DCDC1: variants seen among roughly 807,000 people sequenced by gnomAD.
DCDC1 encodes doublecortin domain-containing protein 1.
A neutral mutation model predicts 178.3 loss-of-function variants in DCDC1; 200 were observed. That is an observed-to-expected ratio of 1.12 (90% CI 1.00 to 1.26). DCDC1 has a LOEUF of 1.26. Ranked by LOEUF, DCDC1 falls within the 50% of genes most tolerant of loss-of-function variation. The probability of loss-of-function intolerance (pLI) is 0.00; values close to 1 mark genes in which losing one functional copy is unlikely to be tolerated. For missense variants in DCDC1, 1,983 were observed against 1,749.2 expected (o/e 1.13, Z -2.38); for synonymous variants, 690 against 604.8 (o/e 1.14, Z -2.07).
chr11:31,203,011 A>G (rs1440613520), intron 9 of DCDC1, among the ~76,000 whole-genome samples: 2 of 152,208 alleles, frequency 1.3e-5, no homozygotes, highest in East Asian at 1.9e-4. Flanking sequence ...CTGGGAGGCA[A>G]GCAAAACAAT....
At position 31,159,006 on chromosome 11, in the gene DCDC1, C is replaced by CA. The variant is rs199820908; in HGVS notation, c.1222-21223dup. On this transcript the variant is annotated intron_variant, in intron 9 of 38. Transcript: ENST00000684477. ...CCAATAATATAAATTGGATGTATAC[C>CA]AAAAAAAATACAAAAAAACCCCAAA... Among the ~76,000 whole-genome samples the CA allele has an allele frequency of 1.0e-3, 153 of 149,862 alleles. 4 individuals are homozygous for CA. The East Asian group carries it at 0.023, about 23-fold the overall frequency.
intron 17 of DCDC1, among the ~76,000 whole-genome samples, chr11:31,083,718 C>T (rs1309246415): frequency 1.3e-5 from 2 of 152,118 alleles, no homozygotes; most frequent in Middle Eastern, 3.2e-3. Flanking sequence ...ACGACTAATT[C>T]AAAAATTGTA....
intron 10 of DCDC1, among the ~76,000 whole-genome samples, chr11:31,132,494 C>T (rs777383253): frequency 6.6e-6 from 1 of 151,968 alleles, no homozygotes; most frequent in African/African-American, 2.4e-5. Flanking sequence ...AATTCTTCAA[C>T]GTGAATCTTT....
chr11:31,119,126 C>T (rs972417140), intron 11 of DCDC1, among the ~76,000 whole-genome samples: 3 of 152,074 alleles, frequency 2.0e-5, no homozygotes, highest in Admixed American at 6.5e-5. Flanking sequence ...CAGCACCTGC[C>T]GCTAATTAGC....
intron 20 of DCDC1, among the ~76,000 whole-genome samples, chr11:31,041,759 T>C (rs1461569798): frequency 1.3e-5 from 2 of 152,176 alleles, no homozygotes; most frequent in African/African-American, 2.4e-5. Context: ...AGGGTAGAAT[T>C]TGTACCCTCA....
rs186700616 is a variant in DCDC1 at position 30,939,306 on chromosome 11, C to T, written c.2716-7354G>A. Among the ~76,000 whole-genome samples the T allele has an allele frequency of 2.6e-5, 4 of 152,310 alleles. No homozygotes were observed. The East Asian group carries it at 7.7e-4, about 29-fold the overall frequency. ...CTAAATTGGTTGGGACACCTCTCCC[C>T]TCTTGGCTGGAGTCCCACTCTATGC... On this transcript the variant is annotated intron_variant, in intron 21 of 38. Transcript: ENST00000684477.
chr11:31,102,040 G>GCATTC, intron 15 of DCDC1, 137 bp downstream of exon 15: 1 of 446,658 alleles, frequency 2.2e-6, no homozygotes, highest in Non-Finnish European at 4.0e-6. Context: ...TGGCACCACT[G>GCATTC]CATTCCACCC....
intron 34 of DCDC1, among the ~76,000 whole-genome samples, chr11:30,895,786 T>C (rs895982721): frequency 3.9e-5 from 6 of 152,184 alleles, no homozygotes; most frequent in Non-Finnish European, 8.8e-5. Context: ...ACCTCACAAA[T>C]ACGTAACACA....
At chr11:31,322,195 G>T (rs1358640817) in intron 3 of DCDC1, among the ~76,000 whole-genome samples, 1 of 152,146 alleles carries the variant, frequency 6.6e-6, no homozygotes, top group East Asian at 1.9e-4. Flanking sequence ...TCAATCAGTG[G>T]TCGATATGCA....
rs1468366915 is a variant in DCDC1 at position 31,294,070 on chromosome 11, C to T, written c.755-3218G>A. ...TCATTCAACAATATTTACTGGGTGTCCACACATCAAGGCACCAGGGCGACA... is the reference window on the plus strand; with the variant it reads ...TCATTCAACAATATTTACTGGGTGTTCACACATCAAGGCACCAGGGCGACA... On this transcript the variant is annotated intron_variant, in intron 6 of 38. Coordinates refer to ENST00000684477, the MANE Select transcript of DCDC1 (RefSeq NM_001387274.1). Among the ~76,000 whole-genome samples, 3 of 152,148 alleles carry T rather than the reference C, an allele frequency of 2.0e-5. No homozygotes were observed. The East Asian group carries it at 5.8e-4, about 29-fold the overall frequency.
At chr11:31,162,717 G>T (rs1966419411) in intron 9 of DCDC1, among the ~76,000 whole-genome samples, 1 of 152,086 alleles carries the variant, frequency 6.6e-6, no homozygotes, top group African/African-American at 2.4e-5. Flanking sequence ...TATTTCTGAA[G>T]AATTTTTCCA....
At chr11:30,889,844 G>T (rs546474317) in intron 36 of DCDC1, among the ~76,000 whole-genome samples, 2 of 152,254 alleles carry the variant, frequency 1.3e-5, no homozygotes, top group East Asian at 3.9e-4. Flanking sequence ...TAGTGTTATG[G>T]ACTAAACTGT....
At chr11:31,366,159 T>C (rs1046777138) in intron 1 of DCDC1, among the ~76,000 whole-genome samples, 2 of 152,144 alleles carry the variant, frequency 1.3e-5, no homozygotes, top group Non-Finnish European at 2.9e-5. Context: ...TAAGTTCACA[T>C]AGCCGTAAGA....
chr11:30,956,741 T>C (rs1388712331), intron 20 of DCDC1, among the ~76,000 whole-genome samples: 1 of 152,140 alleles, frequency 6.6e-6, no homozygotes, highest in Non-Finnish European at 1.5e-5. Context: ...AATAAAGAAG[T>C]CATTAAAATA....
intron 27 of DCDC1, among the ~76,000 whole-genome samples, chr11:30,913,160 G>A (rs1202828256): frequency 6.6e-6 from 1 of 152,138 alleles, no homozygotes; most frequent in South Asian, 2.1e-4. Context: ...GGTGGCTCAC[G>A]CTTGTAATCC....
rs575763379 is a variant in DCDC1, at chr11:31,318,876, T to G, written c.164+9241A>C. The stretch of plus-strand genomic sequence containing the variant: ...TGTGGTGTCTTTGTTCTCGTTGGTT[T>G]CAAAGAACATCTTTATTTCTGCCTT... On this transcript the variant is annotated intron_variant, in intron 3 of 38. Transcript: ENST00000684477. Among the ~76,000 whole-genome samples, 3 of 61,672 alleles carry G rather than the reference T, an allele frequency of 4.9e-5. No individual in the cohort carries two copies. In the South Asian group the frequency reaches 1.4e-3, roughly 30 times the overall value. 40.5% of individuals were successfully genotyped at this position (61,672 alleles called of 152,430 possible). A position where few individuals can be genotyped will look rare whatever the true frequency, so the allele number is the denominator to read the frequency against.
chr11:31,103,885 T>C, intron 13 of DCDC1, 116 bp from the exon 14 acceptor site: 2 of 643,612 alleles, frequency 3.1e-6, no homozygotes, highest in Non-Finnish European at 5.5e-6. Context: ...CAGAAATAAG[T>C]GAGTTTCCTA....
rs1314693770 is a variant in DCDC1 at position 31,310,302 on chromosome 11, TTCTTGA to T, written c.165-2400_165-2395del. ...AACATTGAGGACAGGTTTTCAGTAATTCTTGATTTTTTTTTTTTTTTTTTTTTTTTT... is the reference window on the plus strand; with the variant it reads ...AACATTGAGGACAGGTTTTCAGTAATTTTTTTTTTTTTTTTTTTTTTTTTT... On this transcript the variant is annotated intron_variant, in intron 3 of 38. Coordinates refer to ENST00000684477, the MANE Select transcript of DCDC1 (RefSeq NM_001387274.1). Among the ~76,000 whole-genome samples the T allele has an allele frequency of 1.3e-3, 183 of 135,580 alleles. 16 individuals are homozygous for T. The highest frequency in any genetic ancestry group is 5.9e-3 in the African/African-American group (178 of 29,984). 88.9% of individuals were successfully genotyped at this position (135,580 alleles called of 152,430 possible). A position where few individuals can be genotyped will look rare whatever the true frequency, so the allele number is the denominator to read the frequency against.
chr11:30,866,596 A>G (rs1940998385), intron 38 of DCDC1, among the ~76,000 whole-genome samples: 1 of 152,150 alleles, frequency 6.6e-6, no homozygotes, highest in African/African-American at 2.4e-5. Flanking sequence ...GCACCAGCAA[A>G]TCATCAGAAA....
Sources: gnomAD v4.1 joint callset for allele counts (sites outside exome capture counted in the v4.1 genomes callset) on GRCh38, gnomAD v4.1.1 for gene constraint, MANE v1.5 for transcripts, NCBI Gene and HGNC (gene_info 2026-07-23, HGNC 2026-07-21) for gene names.